The following RAB38 variants were observed in gnomAD, a reference collection of about 807,000 sequenced individuals.
RAB38 encodes the protein ras-related protein Rab-38.
A neutral mutation model predicts 18.4 loss-of-function variants in RAB38; 15 were observed. That is an observed-to-expected ratio of 0.82 (90% CI 0.55 to 1.26). The LOEUF is 1.26. RAB38 is among the 50% of genes most tolerant of loss of function. The pLI, the probability that RAB38 is intolerant of heterozygous loss-of-function variation, is 0.00. For synonymous variants in RAB38, 101 were observed against 104.4 expected, an observed-to-expected ratio of 0.97 and a Z score of 0.20; for missense variants, 294 against 267.4, an observed-to-expected ratio of 1.10 and a Z score of -0.69.
At chr11:87,902,855 A>G in the RAB38 span, among the ~76,000 whole-genome samples, 1 of 150,572 alleles carries the variant, frequency 6.6e-6, no homozygotes, top group Admixed American at 6.7e-5. Context: ...TATTTTATAT[A>G]TTTTAAATTG....
intron 1 of RAB38, chr11:88,166,382 G>A (rs1452532412): frequency 6.6e-6 from 1 of 152,068 alleles, no homozygotes; most frequent in Non-Finnish European, 1.5e-5. Flanking sequence ...CAAACACCTA[G>A]TATTAAAAAA....
the RAB38 span, among the ~76,000 whole-genome samples, chr11:88,053,159 TACACACATATATATGGAATA>T: frequency 2.7e-5 from 3 of 111,932 alleles, no homozygotes; most frequent in African/African-American, 1.0e-4. Context: ...AATATATATA[TACACACATATATATGGAATA>T]TATATATACA....
the RAB38 span, among the ~76,000 whole-genome samples, chr11:87,931,933 A>C: frequency 6.6e-6 from 1 of 151,574 alleles, no homozygotes; most frequent in Admixed American, 6.6e-5. Flanking sequence ...TGGACAATGC[A>C]CAGGAGGGGT....
chr11:87,967,664 A>G, the RAB38 span, among the ~76,000 whole-genome samples: 1 of 152,178 alleles, frequency 6.6e-6, no homozygotes, highest in African/African-American at 2.4e-5. Flanking sequence ...GGTGGAGGGC[A>G]TTGTTAATGT....
the RAB38 span, among the ~76,000 whole-genome samples, chr11:87,971,318 G>A: frequency 6.6e-6 from 1 of 152,082 alleles, no homozygotes; most frequent in East Asian, 1.9e-4. Context: ...TAATGAGGCA[G>A]GAAGAACATT....
the RAB38 span, among the ~76,000 whole-genome samples, chr11:88,102,809 C>T: frequency 1.3e-5 from 2 of 152,058 alleles, no homozygotes; most frequent in African/African-American, 2.4e-5. Context: ...GGCTTGCACG[C>T]ATCTCAGGCA....
the RAB38 span, among the ~76,000 whole-genome samples, chr11:87,835,879 G>A: frequency 2.6e-5 from 4 of 152,142 alleles, no homozygotes; most frequent in Non-Finnish European, 4.4e-5. Context: ...ATACAAATAT[G>A]AAGGAGATTC....
At chr11:88,048,868 T>C in the RAB38 span, among the ~76,000 whole-genome samples, 19 of 152,314 alleles carry the variant, frequency 1.2e-4, no homozygotes, top group African/African-American at 4.3e-4. Flanking sequence ...CTGAACCTCC[T>C]TAGGCACTCT....
chr11:87,905,522 TA>T, the RAB38 span, among the ~76,000 whole-genome samples: 2 of 151,940 alleles, frequency 1.3e-5, no homozygotes, highest in Non-Finnish European at 2.9e-5. Context: ...TCAGCTTTTT[TA>T]TATTAAGAAT....
chr11:87,818,584 A>G, the RAB38 span, among the ~76,000 whole-genome samples: 1 of 152,172 alleles, frequency 6.6e-6, no homozygotes, highest in African/African-American at 2.4e-5. Flanking sequence ...CACCTCTCAA[A>G]TAGAAATTTT....
the RAB38 span, among the ~76,000 whole-genome samples, chr11:87,931,830 A>G: frequency 6.6e-6 from 1 of 151,972 alleles, no homozygotes; most frequent in Non-Finnish European, 1.5e-5. Flanking sequence ...CAAGAACAAA[A>G]TGAGATGAAT....
the RAB38 span, among the ~76,000 whole-genome samples, chr11:87,834,862 A>G: frequency 1.3e-5 from 2 of 152,150 alleles, no homozygotes; most frequent in African/African-American, 4.8e-5. Flanking sequence ...CAGTGCCTGG[A>G]ATTTGATAAA....
chr11:87,846,021 G>A, the RAB38 span, among the ~76,000 whole-genome samples: 1 of 151,958 alleles, frequency 6.6e-6, no homozygotes, highest in African/African-American at 2.4e-5. Flanking sequence ...CTATAGGAAC[G>A]ATAAAAGAAA....
the RAB38 span, among the ~76,000 whole-genome samples, chr11:87,887,211 G>A: frequency 6.6e-6 from 1 of 151,890 alleles, no homozygotes; most frequent in African/African-American, 2.4e-5. Flanking sequence ...TGCAGTGAGT[G>A]GTTTATTTGA....
chr11:88,069,173 A>T, the RAB38 span, among the ~76,000 whole-genome samples: 23,764 of 152,200 alleles, frequency 0.16, 3,110 homozygotes, highest in African/African-American at 0.34. Flanking sequence ...GCTCTGGGGA[A>T]GTGAGGGGCT....
At chr11:87,808,726 G>A in the RAB38 span, among the ~76,000 whole-genome samples, 18 of 152,000 alleles carry the variant, frequency 1.2e-4, no homozygotes, top group East Asian at 2.3e-3. Context: ...ACAATGTAAT[G>A]TATATTTCAG....
the RAB38 span, among the ~76,000 whole-genome samples, chr11:88,075,266 G>T: frequency 6.6e-6 from 1 of 152,050 alleles, no homozygotes; most frequent in Non-Finnish European, 1.5e-5. Flanking sequence ...TAAGCACATG[G>T]AACATTCTAC....
intron 2 of RAB38, among the ~76,000 whole-genome samples, chr11:88,134,121 C>T (rs1942800895): frequency 6.6e-6 from 1 of 152,188 alleles, no homozygotes; most frequent in Non-Finnish European, 1.5e-5. Context: ...TACTTTACAT[C>T]TGCTCTTAGA....
intron 1 of RAB38, 57 bp downstream of exon 1, chr11:88,175,126 G>A: frequency 6.7e-7 from 1 of 1,487,818 alleles, no homozygotes; most frequent in South Asian, 1.3e-5. Flanking sequence ...GCTGCCTCGA[G>A]ACTGGAAACC....
Sources: allele counts gnomAD v4.1 joint callset (sites outside exome capture counted in the v4.1 genomes callset), GRCh38; gene constraint gnomAD v4.1.1; transcripts MANE v1.5; gene names NCBI Gene and HGNC (gene_info 2026-07-23, HGNC 2026-07-21).